SGCD: variants seen among roughly 807,000 people sequenced by gnomAD.
SGCD encodes the protein sarcoglycan delta.
SGCD carries 18 observed loss-of-function variants against 36.6 expected under a neutral mutation model. The observed-to-expected ratio is 0.49, with a 90% CI of 0.34 to 0.73. The LOEUF (loss-of-function observed/expected upper bound fraction) is 0.73, where lower values mean the gene tolerates loss of function less well. Among genes scored for constraint, SGCD ranks in the 30% least tolerant of loss-of-function variants. The pLI is 0.01. For missense variants in SGCD, 387 were observed against 346.7 expected (o/e 1.12, Z -0.92); for synonymous variants, 133 against 130.6 (o/e 1.02, Z -0.12).
chr5:155,919,674 G>A (rs1370802614), intron 1 of SGCD, among the ~76,000 whole-genome samples: 1 of 152,040 alleles, frequency 6.6e-6, no homozygotes, highest in Non-Finnish European at 1.5e-5. Flanking sequence ...TCAACATCAA[G>A]GACAAGACCC....
intron 1 of SGCD, among the ~76,000 whole-genome samples, chr5:155,967,231 TG>T (rs1339796672): frequency 6.6e-6 from 1 of 152,004 alleles, no homozygotes; most frequent in Non-Finnish European, 1.5e-5. Context: ...TTGCCTGTGA[TG>T]GGTGTCTCTG....
intron 3 of SGCD, among the ~76,000 whole-genome samples, chr5:156,220,893 T>C (rs1441662223): frequency 6.6e-6 from 1 of 152,110 alleles, no homozygotes; most frequent in African/African-American, 2.4e-5. Flanking sequence ...GATTTCAGTC[T>C]CCCAATATTG....
At chr5:156,010,955 T>G (rs1758848532) in intron 1 of SGCD, among the ~76,000 whole-genome samples, 3 of 152,238 alleles carry the variant, frequency 2.0e-5, no homozygotes, top group Admixed American at 2.0e-4. Context: ...AACTTCATTA[T>G]GCTCTGTTTT....
chr5:156,414,534 G>T (rs1772929528), intron 3 of SGCD, among the ~76,000 whole-genome samples: 1 of 152,212 alleles, frequency 6.6e-6, no homozygotes, highest in East Asian at 1.9e-4. Flanking sequence ...AATATTTTCA[G>T]CTTTGCAGAC....
intron 3 of SGCD, among the ~76,000 whole-genome samples, chr5:156,317,873 C>T (rs1274050431): frequency 6.6e-6 from 1 of 152,060 alleles, no homozygotes; most frequent in African/African-American, 2.4e-5. Flanking sequence ...GGCTCAACAC[C>T]CATGATCTCT....
chr5:156,308,098 C>T (rs1275221835), intron 3 of SGCD, among the ~76,000 whole-genome samples: 1 of 152,080 alleles, frequency 6.6e-6, no homozygotes. Context: ...TCTTTATATG[C>T]TGTATTAGTC....
chr5:156,540,533 C>T (rs1758309866), intron 4 of SGCD, among the ~76,000 whole-genome samples: 1 of 152,104 alleles, frequency 6.6e-6, no homozygotes. Context: ...TTTAAATAGA[C>T]ATTTAACACC....
intron 3 of SGCD, among the ~76,000 whole-genome samples, chr5:156,460,140 T>C (rs571859145): frequency 6.6e-6 from 1 of 152,084 alleles, no homozygotes; most frequent in South Asian, 2.1e-4. Flanking sequence ...GACTAGAAAA[T>C]GTAGTATTGA....
intron 7 of SGCD, among the ~76,000 whole-genome samples, chr5:156,749,965 A>C (rs533922025): frequency 8.0e-6 from 1 of 125,566 alleles, no homozygotes; most frequent in South Asian, 2.5e-4. Flanking sequence ...GCAAATTACC[A>C]AAAAAAATGA....
chr5:155,831,930 G>A, the SGCD span, among the ~76,000 whole-genome samples: 1 of 152,160 alleles, frequency 6.6e-6, no homozygotes, highest in Non-Finnish European at 1.5e-5. Flanking sequence ...ATTTACCAAA[G>A]CCATTAAGGG....
At chr5:155,996,124 A>G (rs1758538621) in intron 1 of SGCD, among the ~76,000 whole-genome samples, 1 of 151,752 alleles carries the variant, frequency 6.6e-6, no homozygotes, top group Non-Finnish European at 1.5e-5. Context: ...TGTTTTTTTA[A>G]CATTTGTCTT....
At chr5:155,778,509 G>T in the SGCD span, among the ~76,000 whole-genome samples, 1 of 152,134 alleles carries the variant, frequency 6.6e-6, no homozygotes, top group African/African-American at 2.4e-5. Flanking sequence ...TACCAGTTGT[G>T]TGAACATTCA....
At chr5:156,473,322 T>A (rs1755049098) in intron 3 of SGCD, among the ~76,000 whole-genome samples, 2 of 152,164 alleles carry the variant, frequency 1.3e-5, no homozygotes, top group African/African-American at 4.8e-5. Context: ...AACAAAACTA[T>A]CATACGTTGC....
In SGCD at chr5:156,393,145, G is replaced by A. The variant is rs887200079; in HGVS notation, c.192+48468G>A. Among the ~76,000 whole-genome samples the A allele has an allele frequency of 2.6e-5, 4 of 152,194 alleles. No homozygotes were observed. In the East Asian group the frequency reaches 5.8e-4, roughly 22 times the overall value. On this transcript the variant is annotated intron_variant, in intron 3 of 8. Transcript: ENST00000337851. ...CACGCCCTTCTCTTCTCAGCATTTC[G>A]CTTCTCTATCAGTAGGGAAACCAAG... is the stretch of plus-strand genomic sequence containing the variant.
chr5:156,505,882 G>C (rs1042746040), intron 3 of SGCD, among the ~76,000 whole-genome samples: 2 of 151,920 alleles, frequency 1.3e-5, no homozygotes, highest in African/African-American at 4.8e-5. Context: ...TTGTTATTTT[G>C]TAGATTTGAC....
chr5:156,349,827 A>T (rs145955844), intron 3 of SGCD, among the ~76,000 whole-genome samples: 1 of 152,208 alleles, frequency 6.6e-6, no homozygotes, highest in Non-Finnish European at 1.5e-5. Flanking sequence ...ACAACTGCAA[A>T]GATATGGAAC....
intron 1 of SGCD, among the ~76,000 whole-genome samples, chr5:155,961,206 A>G (rs1013336964): frequency 6.6e-6 from 1 of 152,100 alleles, no homozygotes; most frequent in African/African-American, 2.4e-5. Context: ...CTGTAGAATT[A>G]TACCCTGCTT....
At chr5:156,432,044 G>A (rs1263510957) in intron 3 of SGCD, among the ~76,000 whole-genome samples, 2 of 152,142 alleles carry the variant, frequency 1.3e-5, no homozygotes, top group African/African-American at 4.8e-5. Context: ...TGCTTTTCTG[G>A]GTCTAGCCAC....
the SGCD span, among the ~76,000 whole-genome samples, chr5:155,748,087 C>G: frequency 1.3e-5 from 2 of 152,074 alleles, no homozygotes; most frequent in African/African-American, 4.8e-5. Flanking sequence ...CTGACCAGGG[C>G]TGCTGACCTT....
Sources: gnomAD v4.1 joint callset for allele counts (sites outside exome capture counted in the v4.1 genomes callset) on GRCh38, gnomAD v4.1.1 for gene constraint, MANE v1.5 for transcripts, NCBI Gene and HGNC (gene_info 2026-07-23, HGNC 2026-07-21) for gene names.